FUT8: variants seen among roughly 807,000 people sequenced by gnomAD.
The protein encoded by FUT8 is alpha-(1,6)-fucosyltransferase.
In FUT8, 29 loss-of-function variants were observed where a neutral mutation model predicts 71.3. The observed-to-expected ratio is 0.41, with a 90% CI of 0.30 to 0.55. FUT8 has a LOEUF of 0.55. Among genes scored for constraint, FUT8 ranks in the 20% least tolerant of loss-of-function variants. The pLI, the probability that FUT8 is intolerant of heterozygous loss-of-function variation, is 0.34. For synonymous variants in FUT8, 254 were observed against 239.3 expected (o/e 1.06, Z -0.57); for missense variants, 544 against 702.1 (o/e 0.77, Z 2.55).
At chr14:65,741,050 G>A (rs2139410376) in intron 10 of FUT8, among the ~76,000 whole-genome samples, 1 of 152,052 alleles carries the variant, frequency 6.6e-6, no homozygotes, top group East Asian at 1.9e-4. Flanking sequence ...GGAGATTTAG[G>A]AAAATTTCAT....
chr14:65,711,551 T>C (rs1894812696), intron 7 of FUT8, among the ~76,000 whole-genome samples: 1 of 152,196 alleles, frequency 6.6e-6, no homozygotes. Context: ...TACATGCATG[T>C]ACTATATTTC....
chr14:65,616,456 G>C, intron 5 of FUT8, 83 bp downstream of exon 5: 1 of 1,200,514 alleles, frequency 8.3e-7, no homozygotes, highest in African/African-American at 1.5e-5. Context: ...TAATCCATCT[G>C]TTGAGTGGTA....
At chr14:65,520,946 A>G (rs1594730290) in intron 2 of FUT8, among the ~76,000 whole-genome samples, 2 of 152,104 alleles carry the variant, frequency 1.3e-5, no homozygotes, top group East Asian at 3.8e-4. Context: ...CACACATATA[A>G]GACTGTAAAC....
intron 3 of FUT8, among the ~76,000 whole-genome samples, chr14:65,613,431 T>TA (rs1422720892): frequency 3.3e-5 from 5 of 152,124 alleles, no homozygotes; most frequent in African/African-American, 1.2e-4. Flanking sequence ...AACATAACTT[T>TA]AAAAAACTAT....
At chr14:65,699,325 ACT>A (rs1431699109) in intron 7 of FUT8, among the ~76,000 whole-genome samples, 1 of 151,700 alleles carries the variant, frequency 6.6e-6, no homozygotes, top group Non-Finnish European at 1.5e-5. Context: ...GTGCTCTCCA[ACT>A]CTGGAGTCTG....
Position 65,661,854 on chromosome 14 carries a change from T to A in FUT8, c.598-7389T>A, listed in dbSNP as rs74058549. Among the ~76,000 whole-genome samples, 1,186 of 152,342 alleles carry A rather than the reference T, an allele frequency of 7.8e-3. 8 individuals carry two copies. The highest frequency in any genetic ancestry group is 0.024 in the African/African-American group (984 of 41,582). On this transcript the variant is annotated intron_variant, in intron 6 of 10. Coordinates refer to ENST00000673929, the MANE Select transcript of FUT8 (RefSeq NM_001371533.1). ...TAACCTGGTGTGCTAATTTGAAATA[T>A]GTCTAACAGTGACTATTTTTATATT...
chr14:65,563,645 A>G (rs1886035013), intron 3 of FUT8, among the ~76,000 whole-genome samples: 1 of 151,988 alleles, frequency 6.6e-6, no homozygotes. Flanking sequence ...TTTTGCTCCT[A>G]AAAAGATTTT....
Position 65,500,355 on chromosome 14 carries a change from G to GTCA in FUT8, c.-228+44651_-228+44653dup, listed in dbSNP as rs146945236. Reference sequence around the variant, plus strand: ...GGGCATCATCGTCGTCATCATTGTCGTCATCATCATCATCATTTTTTCTTT... The same window carrying GTCA: ...GGGCATCATCGTCGTCATCATTGTCGTCATCATCATCATCATCATTTTTTCTTT... On this transcript the variant is annotated intron_variant, in intron 2 of 10. Transcript: ENST00000673929. Among the ~76,000 whole-genome samples, 1,499 of 152,132 alleles carry GTCA rather than the reference G, an allele frequency of 9.9e-3. 19 individuals carry two copies. The highest frequency in any genetic ancestry group is 0.031 in the African/African-American group (1,275 of 41,492).
At chr14:65,599,328 C>T (rs1358842624) in intron 3 of FUT8, among the ~76,000 whole-genome samples, 1 of 152,154 alleles carries the variant, frequency 6.6e-6, no homozygotes, top group Non-Finnish European at 1.5e-5. Context: ...CCCCCATCTC[C>T]CTATACTTCT....
intron 2 of FUT8, among the ~76,000 whole-genome samples, chr14:65,532,080 G>A (rs751101660): frequency 4.3e-4 from 66 of 152,092 alleles, no homozygotes; most frequent in Non-Finnish European, 6.5e-4. Context: ...TTCTGTGAAC[G>A]TAGGCATGCA....
chr14:65,534,268 A>T (rs764622465), intron 2 of FUT8, among the ~76,000 whole-genome samples: 2 of 152,044 alleles, frequency 1.3e-5, no homozygotes, highest in Non-Finnish European at 2.9e-5. Flanking sequence ...GACTATAGGC[A>T]TGTGCTACCA....
intron 5 of FUT8, among the ~76,000 whole-genome samples, chr14:65,625,298 T>G (rs1392772534): frequency 6.6e-6 from 1 of 152,114 alleles, no homozygotes; most frequent in Non-Finnish European, 1.5e-5. Flanking sequence ...CCTATTATAG[T>G]TAAAGACTTT....
chr14:65,389,761 T>C, the FUT8 span, among the ~76,000 whole-genome samples: 2 of 152,028 alleles, frequency 1.3e-5, no homozygotes, highest in African/African-American at 2.4e-5. Context: ...AGCCATGGCA[T>C]ACTGTATACA....
rs12100702 is a variant in FUT8 at position 65,508,990 on chromosome 14, T to C, written c.-227-52347T>C. ...TGCTTGTGGGGTATTACTTAAGAAA[T>C]CATTGCCCAGACCGATACCCTGGAG... is the stretch of plus-strand genomic sequence containing the variant. On this transcript the variant is annotated intron_variant, in intron 2 of 10. Transcript: ENST00000673929. Among the ~76,000 whole-genome samples, 590 of 152,218 alleles carry C rather than the reference T, an allele frequency of 3.9e-3. 1 individual carries two copies. The highest frequency in any genetic ancestry group is 0.013 in the African/African-American group (552 of 41,542).
chr14:65,426,328 G>GTTTT (rs1334950112), intron 1 of FUT8, among the ~76,000 whole-genome samples: 1 of 133,974 alleles, frequency 7.5e-6, no homozygotes, highest in Non-Finnish European at 1.6e-5. Context: ...CCTTTTTAAA[G>GTTTT]TTTTTTTTTT....
At chr14:65,524,173 A>G (rs1490458202) in intron 2 of FUT8, among the ~76,000 whole-genome samples, 3 of 152,254 alleles carry the variant, frequency 2.0e-5, no homozygotes, top group Admixed American at 2.0e-4. Context: ...CAGTATGGCC[A>G]TTTTCACGAT....
chr14:65,515,039 A>G (rs1437780827), intron 2 of FUT8, among the ~76,000 whole-genome samples: 1 of 152,176 alleles, frequency 6.6e-6, no homozygotes, highest in Non-Finnish European at 1.5e-5. Flanking sequence ...GAATCAAATT[A>G]TTTTGTCTTT....
intron 9 of FUT8, among the ~76,000 whole-genome samples, chr14:65,725,240 C>T (rs765875865): frequency 5.9e-5 from 9 of 152,232 alleles, no homozygotes; most frequent in Non-Finnish European, 2.9e-5. Flanking sequence ...TTGAGCTTGC[C>T]TGTATTTCAG....
chr14:65,741,947 G>A, intron 10 of FUT8, 146 bp from the exon 11 acceptor site: 1 of 624,184 alleles, frequency 1.6e-6, no homozygotes, highest in East Asian at 2.7e-5. Flanking sequence ...CATCTTCTGA[G>A]AACAAATGGA....
Sources: gnomAD v4.1 joint callset for allele counts (sites outside exome capture counted in the v4.1 genomes callset) on GRCh38, gnomAD v4.1.1 for gene constraint, MANE v1.5 for transcripts, NCBI Gene and HGNC (gene_info 2026-07-23, HGNC 2026-07-21) for gene names.